The following LHFPL3 variants were observed in gnomAD, a reference collection of about 807,000 sequenced individuals.
The protein encoded by LHFPL3 is LHFPL tetraspan subfamily member 3 protein.
Under a neutral mutation model 19.3 loss-of-function variants are expected in LHFPL3, and 5 were observed. That is an observed-to-expected ratio of 0.26 (90% CI 0.14 to 0.54). The LOEUF (loss-of-function observed/expected upper bound fraction) is 0.54. Among genes scored for constraint, LHFPL3 ranks in the 20% least tolerant of loss-of-function variants. LHFPL3 has a pLI of 0.94. For missense variants in LHFPL3, 249 were observed against 307.4 expected, an observed-to-expected ratio of 0.81 and a Z score of 1.42; for synonymous variants, 133 against 126.2, an observed-to-expected ratio of 1.05 and a Z score of -0.36.
chr7:104,394,327 C>G (rs1296050230), intron 1 of LHFPL3, among the ~76,000 whole-genome samples: 1 of 152,128 alleles, frequency 6.6e-6, no homozygotes, highest in Non-Finnish European at 1.5e-5. Context: ...AATGAACAGA[C>G]TGGAGTAAAA....
At chr7:104,834,578 C>T (rs964696624) in intron 2 of LHFPL3, among the ~76,000 whole-genome samples, 1 of 152,092 alleles carries the variant, frequency 6.6e-6, no homozygotes, top group Middle Eastern at 3.4e-3. Flanking sequence ...GCTGAAGTGT[C>T]GCAGTTGCCC....
intron 1 of LHFPL3, among the ~76,000 whole-genome samples, chr7:104,435,342 G>T (rs1584318304): frequency 6.6e-6 from 1 of 151,690 alleles, no homozygotes; most frequent in Admixed American, 6.6e-5. Flanking sequence ...TTAGACACTG[G>T]GTCTTGCCAG....
intron 1 of LHFPL3, among the ~76,000 whole-genome samples, chr7:104,665,533 C>T (rs1253747332): frequency 2.0e-5 from 3 of 152,266 alleles, no homozygotes; most frequent in South Asian, 2.1e-4. Flanking sequence ...GTGTGCATAA[C>T]GCCGGCTTTG....
At chr7:104,545,617 A>G (rs1457517539) in intron 1 of LHFPL3, among the ~76,000 whole-genome samples, 2 of 152,192 alleles carry the variant, frequency 1.3e-5, no homozygotes, top group African/African-American at 4.8e-5. Flanking sequence ...CCAGTAGAGC[A>G]CTGTGCGATC....
At chr7:104,555,699 T>C (rs907699324) in intron 1 of LHFPL3, among the ~76,000 whole-genome samples, 1 of 152,222 alleles carries the variant, frequency 6.6e-6, no homozygotes, top group African/African-American at 2.4e-5. Flanking sequence ...TGTCCTCACA[T>C]TTCAAAACCA....
At chr7:104,894,567 CT>C (rs1449179139) in intron 2 of LHFPL3, 1 of 152,196 alleles carries the variant, frequency 6.6e-6, no homozygotes, top group Non-Finnish European at 1.5e-5. Flanking sequence ...AGACATCATC[CT>C]TGATGCCTAT....
At chr7:104,850,889 A>AC (rs1791404237) in intron 2 of LHFPL3, among the ~76,000 whole-genome samples, 1 of 151,882 alleles carries the variant, frequency 6.6e-6, no homozygotes, top group Non-Finnish European at 1.5e-5. Flanking sequence ...GTAGGTTCTG[A>AC]CCCCTCACCC....
intron 1 of LHFPL3, among the ~76,000 whole-genome samples, chr7:104,530,256 C>T (rs1461090790): frequency 1.3e-5 from 2 of 152,200 alleles, no homozygotes; most frequent in African/African-American, 4.8e-5. Flanking sequence ...TTCCCACAGA[C>T]TTCCAGAAGG....
chr7:104,728,731 A>C (rs1049638615), intron 1 of LHFPL3, among the ~76,000 whole-genome samples: 2 of 152,170 alleles, frequency 1.3e-5, no homozygotes, highest in Admixed American at 1.3e-4. Context: ...TTGTATGCTT[A>C]CTCATTTTTC....
intron 1 of LHFPL3, among the ~76,000 whole-genome samples, chr7:104,633,367 C>A (rs1445022842): frequency 6.6e-6 from 1 of 152,154 alleles, no homozygotes. Context: ...TTTTGTCTGA[C>A]TATTTCTACT....
intron 2 of LHFPL3, among the ~76,000 whole-genome samples, chr7:104,811,935 C>T (rs924745006): frequency 6.6e-6 from 1 of 151,914 alleles, no homozygotes; most frequent in African/African-American, 2.4e-5. Context: ...TTAATGTGTC[C>T]CCCCAACAAA....
At chr7:104,357,021 GTCCCCAAATTACT>G (rs142846893) in intron 1 of LHFPL3, among the ~76,000 whole-genome samples, 61,854 of 151,984 alleles carry the variant, frequency 0.41, 12,920 homozygotes, top group East Asian at 0.52. Flanking sequence ...GGGACTTGGG[GTCCCCAAATTACT>G]CAAACTATTG....
At chr7:104,746,136 C>A (rs1333204408) in intron 2 of LHFPL3, among the ~76,000 whole-genome samples, 1 of 152,122 alleles carries the variant, frequency 6.6e-6, no homozygotes, top group African/African-American at 2.4e-5. Context: ...TATGGCAAAA[C>A]CCCATCTCTA....
chr7:104,732,718 A>G (rs890354345), intron 1 of LHFPL3, among the ~76,000 whole-genome samples: 2 of 151,892 alleles, frequency 1.3e-5, no homozygotes, highest in Non-Finnish European at 2.9e-5. Context: ...TTATGTCTCT[A>G]TCTCCTTCAG....
chr7:104,681,989 G>T (rs1009619300), intron 1 of LHFPL3, among the ~76,000 whole-genome samples: 1 of 152,050 alleles, frequency 6.6e-6, no homozygotes. Context: ...GAACCATAGC[G>T]CATAGATGAT....
chr7:104,465,428 G>GTAATT (rs1269815057), intron 1 of LHFPL3, among the ~76,000 whole-genome samples: 108 of 152,268 alleles, frequency 7.1e-4, no homozygotes, highest in Non-Finnish European at 7.3e-5. Context: ...ACTCTCTGCA[G>GTAATT]TACTGAATTT....
chr7:104,393,291 A>G (rs1791115756), intron 1 of LHFPL3, among the ~76,000 whole-genome samples: 2 of 152,200 alleles, frequency 1.3e-5, no homozygotes, highest in African/African-American at 4.8e-5. Context: ...AAGTTACCAT[A>G]TGACCTAGCA....
At chr7:104,769,476 T>C (rs1447053695) in intron 2 of LHFPL3, among the ~76,000 whole-genome samples, 1 of 152,188 alleles carries the variant, frequency 6.6e-6, no homozygotes, top group African/African-American at 2.4e-5. Context: ...ATTATTATTA[T>C]ACTTTAAGTT....
chr7:104,688,900 A>G (rs1310247471), intron 1 of LHFPL3, among the ~76,000 whole-genome samples: 1 of 152,198 alleles, frequency 6.6e-6, no homozygotes, highest in Non-Finnish European at 1.5e-5. Context: ...TGGTGGAAGG[A>G]GCATAAAAAT....
Sources: gnomAD v4.1 joint callset for allele counts (sites outside exome capture counted in the v4.1 genomes callset) on GRCh38, gnomAD v4.1.1 for gene constraint, MANE v1.5 for transcripts, NCBI Gene and HGNC (gene_info 2026-07-23, HGNC 2026-07-21) for gene names.